Variants in ATRN observed in about 807,000 individuals in gnomAD.
ATRN encodes attractin-2.
A neutral mutation model predicts 178.7 loss-of-function variants in ATRN; 54 were observed. The ratio of observed to expected loss-of-function variants is 0.30; its 90% CI spans 0.24 to 0.38. The LOEUF is 0.38. ATRN is among the 10% of genes least tolerant of loss of function. The pLI, the probability that ATRN is intolerant of heterozygous loss-of-function variation, is 1.00. For synonymous variants in ATRN, 636 were observed against 663.0 expected (o/e 0.96, Z 0.63); for missense variants, 1,443 against 1,815.1 (o/e 0.79, Z 3.73).
rs1393827996 is a variant in ATRN, at chr20:3,547,374, C to T, written c.828C>T (p.Asn276=). ...SDTVECECSE[N]WKGEACDIPH... ...CTGTTGAATGTGAATGTTCTGAAAA[C>T]TGGAAAGGTGAAGCATGTGACATTC... The change falls in exon 5 of 29, where the codon AAC becomes AAT. Residue 276 remains asparagine, a synonymous_variant. Coordinates refer to ENST00000262919, the MANE Select transcript of ATRN (RefSeq NM_139321.3). 4 of 1,613,978 alleles carry T rather than the reference C, an allele frequency of 2.5e-6. No homozygotes were observed. The highest frequency in any genetic ancestry group is 3.4e-6 in the Non-Finnish European group (4 of 1,179,850).
chr20:3,583,902 C>T lies in ATRN; in HGVS notation c.2769C>T (p.Asn923=), dbSNP rs2086315318. ...TCTCTTGGGTTTCATTCCCAGCAAA[C>T]CACAGTGCTAAGCAGTGCCGGACAC... ...LNGSVCERPA[N]HSAKQCRTPC... The change falls in exon 17 of 29, where the codon AAC becomes AAT. Residue 923 remains asparagine, a synonymous_variant. Transcript: ENST00000262919. The T allele has an allele frequency of 1.2e-6, 2 of 1,613,334 alleles. No individual in the cohort carries two copies. The highest frequency in any genetic ancestry group is 2.2e-5 in the South Asian group (2 of 91,064).
intron 19 of ATRN, among the ~76,000 whole-genome samples, chr20:3,593,388 T>G (rs1355195952): frequency 6.6e-6 from 1 of 152,220 alleles, no homozygotes; most frequent in African/African-American, 2.4e-5. Context: ...GAATGCTTAC[T>G]GTGTTTGAGA....
chr20:3,543,047 A>G (rs1389404442), intron 3 of ATRN, among the ~76,000 whole-genome samples: 2 of 152,170 alleles, frequency 1.3e-5, no homozygotes, highest in African/African-American at 4.8e-5. Context: ...AAGCCTGATG[A>G]TGGTTAACCC....
At chr20:3,561,414 A>G (rs1448564952) in intron 8 of ATRN, among the ~76,000 whole-genome samples, 23 of 152,222 alleles carry the variant, frequency 1.5e-4, no homozygotes. Flanking sequence ...CCTATGTAGT[A>G]TGTATTTGTT....
intron 24 of ATRN, chr20:3,615,697 AG>A: frequency 2.4e-6 from 1 of 423,758 alleles, no homozygotes; most frequent in Non-Finnish European, 4.8e-6. Flanking sequence ...CTGGGACTAC[AG>A]GAACACTTCA....
chr20:3,560,527 C>A, intron 7 of ATRN, 135 bp from the exon 8 acceptor site: 1 of 718,436 alleles, frequency 1.4e-6, no homozygotes, highest in African/African-American at 1.8e-5. Flanking sequence ...ATTGTTGGAT[C>A]ATAGGGTAGT....
intron 1 of ATRN, among the ~76,000 whole-genome samples, chr20:3,494,481 A>ACTT (rs1475605725): frequency 5.9e-5 from 9 of 152,138 alleles, no homozygotes; most frequent in African/African-American, 1.9e-4. Flanking sequence ...CACAGTTAAG[A>ACTT]GACTGTTGCA....
chr20:3,534,029 C>A (rs952635043), intron 1 of ATRN, among the ~76,000 whole-genome samples: 5 of 151,918 alleles, frequency 3.3e-5, no homozygotes, highest in African/African-American at 1.2e-4. Flanking sequence ...TGATTGGCTT[C>A]GACTAACATT....
chr20:3,617,319 C>G (rs377593972), intron 24 of ATRN, among the ~76,000 whole-genome samples: 1 of 152,094 alleles, frequency 6.6e-6, no homozygotes, highest in African/African-American at 2.4e-5. Flanking sequence ...GAAGAAAGTT[C>G]AGTGCTCCTG....
At chr20:3,524,553 G>T (rs2085339021) in intron 1 of ATRN, among the ~76,000 whole-genome samples, 1 of 152,002 alleles carries the variant, frequency 6.6e-6, no homozygotes, top group Non-Finnish European at 1.5e-5. Context: ...CTCAGCTCTG[G>T]ACCAACAGGA....
At chr20:3,592,557 T>C (rs1859877412) in intron 19 of ATRN, 8 of 827,602 alleles carry the variant, frequency 9.7e-6, no homozygotes, top group Non-Finnish European at 1.2e-5. Context: ...CCAAAAAACA[T>C]AATGAGTACT....
chr20:3,520,901 G>T (rs1411016860), intron 1 of ATRN, among the ~76,000 whole-genome samples: 1 of 152,154 alleles, frequency 6.6e-6, no homozygotes, highest in African/African-American at 2.4e-5. Flanking sequence ...TTAATATTTA[G>T]GTCATCTACT....
At chr20:3,526,081 A>G (rs2146160392) in intron 1 of ATRN, among the ~76,000 whole-genome samples, 1 of 152,314 alleles carries the variant, frequency 6.6e-6, no homozygotes, top group Non-Finnish European at 1.5e-5. Context: ...AATAAAGGGT[A>G]TTCAAGTAGG....
chr20:3,612,499 G>A (rs530193923), intron 24 of ATRN, among the ~76,000 whole-genome samples: 2 of 152,052 alleles, frequency 1.3e-5, no homozygotes, highest in African/African-American at 4.8e-5. Flanking sequence ...GGAAATCTTG[G>A]GGGCATTCTT....
chr20:3,584,112 T>TA (rs1280804175), intron 17 of ATRN, 29 bp downstream of exon 17: 1 of 1,606,976 alleles, frequency 6.2e-7, no homozygotes, highest in Admixed American at 1.7e-5. Flanking sequence ...CCTAGGCACT[T>TA]ATGCATGCCC....
At chr20:3,596,509 T>G in intron 21 of ATRN, 80 bp downstream of exon 21, 1 of 1,315,978 alleles carries the variant, frequency 7.6e-7, no homozygotes, top group Non-Finnish European at 1.1e-6. Context: ...TTGAGAATAG[T>G]AAGTGCTATA....
chr20:3,628,033 G>T (rs924360410), intron 25 of ATRN, among the ~76,000 whole-genome samples: 2 of 152,100 alleles, frequency 1.3e-5, no homozygotes, highest in Non-Finnish European at 2.9e-5. Flanking sequence ...TTAGCCAGGC[G>T]CGGTGGTGGG....
At chr20:3,587,895 G>T (rs922705837) in intron 18 of ATRN, among the ~76,000 whole-genome samples, 1 of 152,168 alleles carries the variant, frequency 6.6e-6, no homozygotes, top group Non-Finnish European at 1.5e-5. Context: ...ACCCAGGCTG[G>T]AGCGCAGTGG....
intron 1 of ATRN, among the ~76,000 whole-genome samples, chr20:3,512,781 C>G (rs1231967710): frequency 6.6e-6 from 1 of 152,166 alleles, no homozygotes; most frequent in African/African-American, 2.4e-5. Context: ...TGTTTCCTGA[C>G]TTTTTAATGA....
Sources: allele counts gnomAD v4.1 joint callset (sites outside exome capture counted in the v4.1 genomes callset), GRCh38; gene constraint gnomAD v4.1.1; transcripts MANE v1.5; gene names NCBI Gene and HGNC (gene_info 2026-07-23, HGNC 2026-07-21).